SMAD7: variants seen among roughly 807,000 people sequenced by gnomAD.
SMAD7 encodes the protein MAD (mothers against decapentaplegic, Drosophila) homolog 7.
A neutral mutation model predicts 38.7 loss-of-function variants in SMAD7; 8 were observed. That is an observed-to-expected ratio of 0.21 (90% confidence interval 0.12 to 0.37). The LOEUF (loss-of-function observed/expected upper bound fraction) is 0.37. Ranked by LOEUF, SMAD7 falls within the 10% of genes least tolerant of loss-of-function variation. The pLI is 1.00. For missense variants in SMAD7, 477 were observed against 577.9 expected (o/e 0.83, Z 1.79); for synonymous variants, 327 against 265.1 (o/e 1.23, Z -2.27).
At position 48,919,939 on chromosome 18, in the gene SMAD7, A is replaced by C. The variant is rs935287635; in HGVS notation, c.*1433T>G. ...TAGGTGATAACACCCATAGAAAAAA[A>C]CACCAATCTTGTGTTTATCTTTTTT... On this transcript the variant is annotated 3_prime_UTR_variant, in exon 4 of 4. Coordinates refer to ENST00000262158, the MANE Select transcript of SMAD7 (RefSeq NM_005904.4). The C allele has an allele frequency of 3.9e-5, 6 of 152,670 alleles. No individual in the cohort carries two copies. 9.5% of individuals were successfully genotyped at this position (152,670 alleles called of 1,614,324 possible).
At chr18:48,923,196 G>A (rs1165709677) in intron 3 of SMAD7, among the ~76,000 whole-genome samples, 1 of 152,202 alleles carries the variant, frequency 6.6e-6, no homozygotes, top group African/African-American at 2.4e-5. Flanking sequence ...CCTTGCCCTC[G>A]CTCCCTGCAG....
chr18:48,942,723 T>TG, intron 2 of SMAD7, 168 bp from the exon 3 acceptor site: 5 of 1,495,280 alleles, frequency 3.3e-6, no homozygotes, highest in Non-Finnish European at 4.4e-6. Flanking sequence ...TCACTGCCCA[T>TG]CGTAAGACAG....
Position 48,942,549 on chromosome 18 carries a change from C to T in SMAD7, c.674G>A (p.Cys225Tyr). Residue 225 changes from cysteine to tyrosine, a missense_variant, in exon 3 of 4, where the codon TGT (cysteine) becomes TAT (tyrosine). Physicochemically the swap from Cys to Tyr is radical, Grantham distance 194. This residue lies in a region of SMAD7 where 376 missense variants were observed against 379.4 expected (regional missense o/e 0.99). Transcript: ENST00000262158. ...AGCGGAGGAAGGCACAGCATCTGGA[C>T]AGTCTGCTGTGGATTTGAAAAGGGG... is the stretch of plus-strand genomic sequence containing the variant. ...PMDFLKPTADCPDAVPSSAET... is the reference protein window; with the variant it reads ...PMDFLKPTADYPDAVPSSAET... 6.2e-7 allele frequency: 1 copy of T among 1,613,422 alleles called. No homozygotes were observed. The highest frequency in any genetic ancestry group is 2.2e-5 in the East Asian group (1 of 44,868).
At chr18:48,937,911 T>C (rs1184823596) in intron 3 of SMAD7, among the ~76,000 whole-genome samples, 3 of 152,142 alleles carry the variant, frequency 2.0e-5, no homozygotes, top group African/African-American at 7.2e-5. Context: ...ACAATGGCAT[T>C]AGAGACCTCA....
chr18:48,928,861 GT>G (rs1213812669), intron 3 of SMAD7, among the ~76,000 whole-genome samples: 2 of 152,146 alleles, frequency 1.3e-5, no homozygotes, highest in African/African-American at 4.8e-5. Context: ...GTAATTGAGG[GT>G]GGCACGGGGC....
At chr18:48,931,237 G>A (rs544104217) in intron 3 of SMAD7, among the ~76,000 whole-genome samples, 1 of 152,278 alleles carries the variant, frequency 6.6e-6, no homozygotes, top group South Asian at 2.1e-4. Context: ...GGATGTGGAC[G>A]GTGGGGATAA....
intron 1 of SMAD7, among the ~76,000 whole-genome samples, chr18:48,949,557 G>A (rs1015129223): frequency 1.3e-5 from 2 of 152,106 alleles, no homozygotes; most frequent in Non-Finnish European, 2.9e-5. Flanking sequence ...ACCCCTTCGG[G>A]GCAACACAGG....
At chr18:48,935,156 G>A (rs1056355722) in intron 3 of SMAD7, among the ~76,000 whole-genome samples, 1 of 152,206 alleles carries the variant, frequency 6.6e-6, no homozygotes, top group Non-Finnish European at 1.5e-5. Context: ...AACCCACAGA[G>A]AGAAACAGAG....
intron 2 of SMAD7, among the ~76,000 whole-genome samples, chr18:48,946,373 C>T (rs1272740080): frequency 4.0e-5 from 6 of 151,706 alleles, no homozygotes; most frequent in Admixed American, 6.6e-5. Context: ...TGTGGTCTGA[C>T]CTCAATGCCC....
At chr18:48,927,988 C>CCT (rs1184034008) in intron 3 of SMAD7, among the ~76,000 whole-genome samples, 1 of 152,206 alleles carries the variant, frequency 6.6e-6, no homozygotes. Flanking sequence ...TGGACACAGG[C>CCT]CTCTAAAGCC....
At position 48,932,776 on chromosome 18, in the gene SMAD7, CA is replaced by C. The variant is rs370389681; in HGVS notation, c.742+9704del. Among the ~76,000 whole-genome samples, 76 of 152,334 alleles carry C rather than the reference CA, an allele frequency of 5.0e-4. No homozygotes were observed. In the South Asian group the frequency reaches 0.015, roughly 30 times the overall value. Reference sequence around the variant, plus strand: ...ACACCTCAGAAACGGGCTTAACCCTCAGATTTAAAATTAAAAAGCAAGAATT... The same window carrying C: ...ACACCTCAGAAACGGGCTTAACCCTCGATTTAAAATTAAAAAGCAAGAATT... On this transcript the variant is annotated intron_variant, in intron 3 of 3. Transcript: ENST00000262158.
chr18:48,934,235 C>T (rs887144514), intron 3 of SMAD7, among the ~76,000 whole-genome samples: 54 of 152,246 alleles, frequency 3.5e-4, no homozygotes, highest in African/African-American at 8.9e-4. Flanking sequence ...AGGGCAGCTC[C>T]GAGACCCATT....
Position 48,921,264 on chromosome 18 carries a change from C to T in SMAD7, c.*108G>A, listed in dbSNP as rs74509535. 1.8e-3 allele frequency: 1,761 copies of T among 964,132 alleles called. 20 individuals carry two copies. The African/African-American group carries it at 0.026, about 14-fold the overall frequency. 59.7% of individuals were successfully genotyped at this position (964,132 alleles called of 1,614,324 possible). ...AACCAACCAACAAACAAAAAAAAAA[C>T]GACCAAAGAGTTTGCATGAAAAGCA... On this transcript the variant is annotated 3_prime_UTR_variant, in exon 4 of 4. Coordinates refer to ENST00000262158, the MANE Select transcript of SMAD7 (RefSeq NM_005904.4). This position sits in a 1 kb window ranked among gnomAD's most constrained non-coding sequence, Gnocchi z 6.4.
intron 3 of SMAD7, among the ~76,000 whole-genome samples, chr18:48,922,552 T>C (rs2143752749): frequency 6.6e-6 from 1 of 152,244 alleles, no homozygotes; most frequent in South Asian, 2.1e-4. Flanking sequence ...GACAAAAACA[T>C]CTATATTCCT....
At chr18:48,925,579 C>A (rs1404020908) in intron 3 of SMAD7, among the ~76,000 whole-genome samples, 1 of 152,172 alleles carries the variant, frequency 6.6e-6, no homozygotes, top group Non-Finnish European at 1.5e-5. Context: ...CTCCCTGACT[C>A]TTACAAAGAG....
chr18:48,949,917 G>A lies in SMAD7; in HGVS notation c.508C>T (p.His170Tyr). The change falls in exon 1 of 4, where the codon CAT becomes TAT. Residue 170 changes from histidine to tyrosine, a missense_variant. Coordinates refer to ENST00000262158, the MANE Select transcript of SMAD7 (RefSeq NM_005904.4). ...CACAGCCTCTTGACTTCCGAGGAAT[G>A]CCTGAGATCCGGCCACCTGAACACT... ...CKVFRWPDLR[H>Y]SSEVKRLCCC... 6.2e-7 allele frequency: 1 copy of A among 1,613,700 alleles called. No individual in the cohort carries two copies. The highest frequency in any genetic ancestry group is 2.2e-5 in the East Asian group (1 of 44,848).
intron 3 of SMAD7, among the ~76,000 whole-genome samples, chr18:48,942,184 C>G (rs1214198910): frequency 6.6e-6 from 1 of 152,190 alleles, no homozygotes; most frequent in East Asian, 1.9e-4. Flanking sequence ...CTGAAGCCCC[C>G]CAAGCCAGGA....
chr18:48,927,437 G>C (rs1303979502), intron 3 of SMAD7, among the ~76,000 whole-genome samples: 4 of 152,130 alleles, frequency 2.6e-5, no homozygotes, highest in Non-Finnish European at 5.9e-5. Context: ...GGCCCAGCAG[G>C]CTTCGTTTCC....
At chr18:48,925,140 C>T (rs1316141620) in intron 3 of SMAD7, among the ~76,000 whole-genome samples, 2 of 152,224 alleles carry the variant, frequency 1.3e-5, no homozygotes, top group African/African-American at 4.8e-5. Context: ...CTTGGCCTCT[C>T]GCTGATAGTT....
Sources: allele counts gnomAD v4.1 joint callset (sites outside exome capture counted in the v4.1 genomes callset), GRCh38; gene constraint gnomAD v4.1.1; regional missense constraint gnomAD v4.1.1; non-coding constraint Gnocchi (gnomAD v3.1); transcripts MANE v1.5; gene names NCBI Gene and HGNC (gene_info 2026-07-23, HGNC 2026-07-21).